Variants in BRIP1 observed in about 807,000 individuals in gnomAD.
BRIP1 encodes Fanconi anemia group J protein.
BRIP1 carries 88 observed loss-of-function variants against 119.7 expected under a neutral mutation model. The ratio of observed to expected loss-of-function variants is 0.74; its 90% confidence interval spans 0.62 to 0.88. The LOEUF (loss-of-function observed/expected upper bound fraction) is 0.88, where lower values mean the gene tolerates loss of function less well. BRIP1 is among the 40% of genes least tolerant of loss of function. The pLI is 0.00. For missense variants in BRIP1, 1,259 were observed against 1,455.4 expected (o/e 0.87, Z 2.20); for synonymous variants, 443 against 496.5 (o/e 0.89, Z 1.43).
intron 6 of BRIP1, among the ~76,000 whole-genome samples, chr17:61,835,881 C>T (rs2078564807): frequency 6.6e-6 from 1 of 151,882 alleles, no homozygotes; most frequent in African/African-American, 2.4e-5. Flanking sequence ...GAAAATAAAT[C>T]CCATAAACAA....
chr17:61,782,175 G>A (rs1186399928), intron 11 of BRIP1, among the ~76,000 whole-genome samples: 1 of 151,936 alleles, frequency 6.6e-6, no homozygotes, highest in Non-Finnish European at 1.5e-5. Flanking sequence ...CACGAGGTCA[G>A]GAGATCGAGA....
chr17:61,769,506 C>T lies in BRIP1; in HGVS notation c.2097+6895G>A, dbSNP rs371612318. On this transcript the variant is annotated intron_variant, in intron 14 of 19. Transcript: ENST00000259008. The surrounding 1 kb of genome is among the most constrained non-coding windows in gnomAD (Gnocchi z 4.9). ...CACTGTACTATGTGAGAATTGACAACGGTACTGACAAAAGATTATAATAAT... is the reference window on the plus strand; with the variant it reads ...CACTGTACTATGTGAGAATTGACAATGGTACTGACAAAAGATTATAATAAT... Among the ~76,000 whole-genome samples, 6 of 152,114 alleles carry T rather than the reference C, an allele frequency of 3.9e-5. No homozygotes were observed. The highest frequency in any genetic ancestry group is 1.9e-4 in the East Asian group (1 of 5,178).
chr17:61,697,988 T>C (rs968231278), intron 17 of BRIP1, among the ~76,000 whole-genome samples: 1 of 152,124 alleles, frequency 6.6e-6, no homozygotes, highest in Non-Finnish European at 1.5e-5. Flanking sequence ...GTATTTTTAG[T>C]AGAGACGGGG....
chr17:61,685,179 G>T (rs955456871), intron 19 of BRIP1: 3 of 152,410 alleles, frequency 2.0e-5, no homozygotes, highest in Non-Finnish European at 4.4e-5. Context: ...ACTCAACTCT[G>T]CTGTTGTTTC....
chr17:61,833,295 T>C (rs2078519790), intron 6 of BRIP1, among the ~76,000 whole-genome samples: 1 of 152,202 alleles, frequency 6.6e-6, no homozygotes, highest in African/African-American at 2.4e-5. Context: ...TCACTCAATA[T>C]GATAAAGAAG....
intron 14 of BRIP1, among the ~76,000 whole-genome samples, chr17:61,772,618 A>G (rs2077472842): frequency 6.6e-6 from 1 of 152,080 alleles, no homozygotes; most frequent in Non-Finnish European, 1.5e-5. Context: ...CGGGAGTTCA[A>G]GACCAGCCTG....
intron 8 of BRIP1, among the ~76,000 whole-genome samples, chr17:61,800,182 A>G (rs1296517656): frequency 6.6e-6 from 1 of 152,278 alleles, no homozygotes; most frequent in African/African-American, 2.4e-5. Context: ...TTTTTTCTTA[A>G]GCATTTTTTA....
At chr17:61,702,731 A>G (rs2061632980) in intron 17 of BRIP1, among the ~76,000 whole-genome samples, 1 of 152,164 alleles carries the variant, frequency 6.6e-6, no homozygotes, top group African/African-American at 2.4e-5. Flanking sequence ...GGTTGATTCC[A>G]CGTCTTTGCT....
chr17:61,816,664 A>T lies in BRIP1; in HGVS notation c.628-7907T>A, dbSNP rs2078241119. Among the ~76,000 whole-genome samples, 1 of 152,190 alleles carries T rather than the reference A, an allele frequency of 6.6e-6. No individual in the cohort carries two copies. Among genetic ancestry groups the T allele is most frequent in the Non-Finnish European group, 1.5e-5 (1 of 68,038 alleles). On this transcript the variant is annotated intron_variant, in intron 6 of 19. Transcript: ENST00000259008. The surrounding 1 kb of genome is among the most constrained non-coding windows in gnomAD (Gnocchi z 5.0). ...TTATCCTGGTATAATAGAACTTTACATAGATGTGATTATAGCAATGAGTCT... is the reference window on the plus strand; with the variant it reads ...TTATCCTGGTATAATAGAACTTTACTTAGATGTGATTATAGCAATGAGTCT...
rs938765762 is a variant in BRIP1, at chr17:61,748,917, C to G, written c.2098-4326G>C. 3.9e-5 allele frequency among the ~76,000 whole-genome samples: 6 copies of G among 152,298 alleles called. No individual in the cohort carries two copies. Among genetic ancestry groups the G allele is most frequent in the African/African-American group, 1.4e-4 (6 of 41,566 alleles). On this transcript the variant is annotated intron_variant, in intron 14 of 19. Transcript: ENST00000259008. This position sits in a 1 kb window ranked among gnomAD's most constrained non-coding sequence, Gnocchi z 4.7. ...CTTTGGGAGGCCAAGGCGGGCAGATCACGAGGTCAGGAGATTGAGACCATC... is the reference window on the plus strand; with the variant it reads ...CTTTGGGAGGCCAAGGCGGGCAGATGACGAGGTCAGGAGATTGAGACCATC...
chr17:61,765,388 TATATA>T (rs2077343479), intron 14 of BRIP1, among the ~76,000 whole-genome samples: 1 of 17,438 alleles, frequency 5.7e-5, no homozygotes, highest in African/African-American at 2.1e-4. Flanking sequence ...ATTATATATA[TATATA>T]TATATATATA....
At chr17:61,840,645 A>C (rs1445775705) in intron 6 of BRIP1, among the ~76,000 whole-genome samples, 1 of 152,148 alleles carries the variant, frequency 6.6e-6, no homozygotes, top group Non-Finnish European at 1.5e-5. Context: ...AATGAAAATA[A>C]GAACTACATA....
At chr17:61,765,390 TATATATATATATATATATATATA>T (rs2077343986) in intron 14 of BRIP1, among the ~76,000 whole-genome samples, 1 of 15,768 alleles carries the variant, frequency 6.3e-5, no homozygotes, top group Non-Finnish European at 1.4e-4. Context: ...TATATATATA[TATATATATATATATATATATATA>T]TATATATATA....
chr17:61,860,290 A>G lies in BRIP1; in HGVS notation c.94-383T>C, dbSNP rs2078956385. Among the ~76,000 whole-genome samples, 1 of 152,214 alleles carries G rather than the reference A, an allele frequency of 6.6e-6. No homozygotes were observed. Among genetic ancestry groups the G allele is most frequent in the Non-Finnish European group, 1.5e-5 (1 of 68,044 alleles). On this transcript the variant is annotated intron_variant, in intron 2 of 19. Coordinates refer to ENST00000259008, the MANE Select transcript of BRIP1 (RefSeq NM_032043.3). The surrounding 1 kb of genome is among the most constrained non-coding windows in gnomAD (Gnocchi z 4.1). ...GGTAGAGAAATAAACAATTTCTTAT[A>G]AAGTGAAGATGCCCAGCTCCAGCAA...
rs1444784274 is a variant in BRIP1, at chr17:61,744,090, G to A, written c.2257+342C>T. On this transcript the variant is annotated intron_variant, in intron 15 of 19. Coordinates refer to ENST00000259008, the MANE Select transcript of BRIP1 (RefSeq NM_032043.3). The surrounding 1 kb of genome is among the most constrained non-coding windows in gnomAD (Gnocchi z 5.0). ...ATGTAATAGAATACAAGCACCAAGT[G>A]TACTAAATGCATCAGAATATAGGTC... is the stretch of plus-strand genomic sequence containing the variant. Among the ~76,000 whole-genome samples, 1 of 152,176 alleles carries A rather than the reference G, an allele frequency of 6.6e-6. No individual in the cohort carries two copies. Among genetic ancestry groups the A allele is most frequent in the African/African-American group, 2.4e-5 (1 of 41,444 alleles).
chr17:61,755,480 G>T lies in BRIP1; in HGVS notation c.2098-10889C>A, dbSNP rs1440183887. On this transcript the variant is annotated intron_variant, in intron 14 of 19. Coordinates refer to ENST00000259008, the MANE Select transcript of BRIP1 (RefSeq NM_032043.3). This position sits in a 1 kb window ranked among gnomAD's most constrained non-coding sequence, Gnocchi z 4.5. ...AGGCTGAGGTGGGAGGACTGCTTGAGCCCTGGAGGTTGAGGCTGCACTGAG... is the reference window on the plus strand; with the variant it reads ...AGGCTGAGGTGGGAGGACTGCTTGATCCCTGGAGGTTGAGGCTGCACTGAG... Among the ~76,000 whole-genome samples the T allele has an allele frequency of 6.6e-6, 1 of 152,094 alleles. No individual in the cohort carries two copies. Among genetic ancestry groups the T allele is most frequent in the African/African-American group, 2.4e-5 (1 of 41,426 alleles).
In BRIP1 at chr17:61,699,280, A is replaced by G. The variant is rs2061575793; in HGVS notation, c.2493-5768T>C. Among the ~76,000 whole-genome samples, 2 of 152,180 alleles carry G rather than the reference A, an allele frequency of 1.3e-5. No individual in the cohort carries two copies. Among genetic ancestry groups the G allele is most frequent in the African/African-American group, 4.8e-5 (2 of 41,444 alleles). On this transcript the variant is annotated intron_variant, in intron 17 of 19. Coordinates refer to ENST00000259008, the MANE Select transcript of BRIP1 (RefSeq NM_032043.3). This position sits in a 1 kb window ranked among gnomAD's most constrained non-coding sequence, Gnocchi z 4.8. The stretch of plus-strand genomic sequence containing the variant: ...ATTTACATTTAATGTAATTACTGAT[A>G]AGGTAGGATTTACTCAGCTATTTTG...
Position 61,759,971 on chromosome 17 carries a change from T to C in BRIP1, c.2098-15380A>G, listed in dbSNP as rs530179287. On this transcript the variant is annotated intron_variant, in intron 14 of 19. Transcript: ENST00000259008. This position sits in a 1 kb window ranked among gnomAD's most constrained non-coding sequence, Gnocchi z 4.9. ...AGGTATTCCTGTACAGAATATCCCA[T>C]TCAAGAGCAACAGAATACACATTCT... Among the ~76,000 whole-genome samples, 24 of 151,808 alleles carry C rather than the reference T, an allele frequency of 1.6e-4. No homozygotes were observed. Among genetic ancestry groups the C allele is most frequent in the African/African-American group, 5.8e-4 (24 of 41,456 alleles).
intron 17 of BRIP1, among the ~76,000 whole-genome samples, chr17:61,702,439 G>A (rs1268044958): frequency 6.6e-6 from 1 of 152,120 alleles, no homozygotes; most frequent in East Asian, 1.9e-4. Flanking sequence ...TCAACTCTTA[G>A]TTCAAACAGC....
Sources: allele counts gnomAD v4.1 joint callset (sites outside exome capture counted in the v4.1 genomes callset), GRCh38; gene constraint gnomAD v4.1.1; non-coding constraint Gnocchi (gnomAD v3.1); transcripts MANE v1.5; gene names NCBI Gene and HGNC (gene_info 2026-07-23, HGNC 2026-07-21).